Variants in CCDC171 observed in about 807,000 individuals in gnomAD.
The protein encoded by CCDC171 is coiled-coil domain-containing protein 171.
CCDC171 carries 177 observed loss-of-function variants against 168.2 expected under a neutral mutation model. The observed-to-expected ratio is 1.05, with a 90% CI of 0.93 to 1.19. The LOEUF is 1.19. CCDC171 is among the 50% of genes most tolerant of loss of function. The pLI is 0.00. For missense variants in CCDC171, 1,991 were observed against 1,539.0 expected (o/e 1.29, Z -4.91); for synonymous variants, 687 against 540.8 (o/e 1.27, Z -3.75).
intron 21 of CCDC171, among the ~76,000 whole-genome samples, chr9:15,800,553 T>A (rs188294685): frequency 6.6e-6 from 1 of 152,302 alleles, no homozygotes; most frequent in Admixed American, 6.5e-5. Flanking sequence ...TTTTTCCCAT[T>A]CAGTGGGTTG....
At chr9:16,010,943 G>T (rs992265087) in intron 3 of CCDC171, among the ~76,000 whole-genome samples, 2 of 152,080 alleles carry the variant, frequency 1.3e-5, no homozygotes, top group East Asian at 1.9e-4. Context: ...AGCCTGATTC[G>T]CTCCTGAGTA....
At chr9:15,813,982 G>C (rs75434243) in intron 21 of CCDC171, among the ~76,000 whole-genome samples, 2,722 of 152,254 alleles carry the variant, frequency 0.018, 97 homozygotes, top group African/African-American at 0.062. Context: ...AGGGACCTGT[G>C]ATTTGCAGTT....
Position 15,832,943 on chromosome 9 carries a change from A to G in CCDC171, c.3268-13759A>G, listed in dbSNP as rs1282444499. Among the ~76,000 whole-genome samples the G allele has an allele frequency of 2.0e-5, 3 of 148,894 alleles. No individual in the cohort carries two copies. In the East Asian group the frequency reaches 5.9e-4, roughly 29 times the overall value. Reference sequence around the variant, plus strand: ...TACACAGGGTCAGGATCATCAAGATATTAGTAGGTGATAGGAAATTTTCAG... The same window carrying G: ...TACACAGGGTCAGGATCATCAAGATGTTAGTAGGTGATAGGAAATTTTCAG... On this transcript the variant is annotated intron_variant, in intron 21 of 25. Coordinates refer to ENST00000380701, the MANE Select transcript of CCDC171 (RefSeq NM_173550.4).
intron 21 of CCDC171, among the ~76,000 whole-genome samples, chr9:15,789,816 T>G (rs1356213273): frequency 6.8e-6 from 1 of 146,800 alleles, no homozygotes; most frequent in Non-Finnish European, 1.5e-5. Context: ...GTGTTCTCAT[T>G]GTTCAGTTCC....
chr9:15,694,292 C>A (rs137902618), intron 10 of CCDC171, among the ~76,000 whole-genome samples: 2 of 152,064 alleles, frequency 1.3e-5, no homozygotes, highest in South Asian at 4.2e-4. Context: ...TATACCTGAC[C>A]CTGCTTCTAA....
At chr9:15,815,992 G>A (rs1053212648) in intron 21 of CCDC171, among the ~76,000 whole-genome samples, 1 of 117,414 alleles carries the variant, frequency 8.5e-6, no homozygotes, top group Admixed American at 8.0e-5. Flanking sequence ...ATAGAAGGTA[G>A]AAGATTCATA....
intron 6 of CCDC171, among the ~76,000 whole-genome samples, chr9:15,613,841 A>G (rs1474137379): frequency 6.6e-6 from 1 of 152,106 alleles, no homozygotes; most frequent in Non-Finnish European, 1.5e-5. Context: ...GCATTTTTCT[A>G]ATGACTAATG....
At chr9:16,099,315 C>A in the CCDC171 span, among the ~76,000 whole-genome samples, 1 of 152,138 alleles carries the variant, frequency 6.6e-6, no homozygotes, top group East Asian at 1.9e-4. Context: ...AGTTTCATTT[C>A]ACAACAGAGG....
intron 3 of CCDC171, among the ~76,000 whole-genome samples, chr9:16,013,943 C>G (rs1220735128): frequency 6.6e-6 from 1 of 152,158 alleles, no homozygotes; most frequent in African/African-American, 2.4e-5. Flanking sequence ...TGGCTGCTGA[C>G]TGATCATGAT....
chr9:15,646,667 A>G (rs889578081), intron 7 of CCDC171, among the ~76,000 whole-genome samples: 1 of 152,226 alleles, frequency 6.6e-6, no homozygotes, highest in African/African-American at 2.4e-5. Context: ...CTATTACATA[A>G]TGGTAAAGGG....
At chr9:15,571,575 A>C (rs758704306) in intron 2 of CCDC171, 49 bp from the exon 3 acceptor site, 3 of 1,401,568 alleles carry the variant, frequency 2.1e-6, no homozygotes. Context: ...ATGCTCTGAA[A>C]TGTGCTTTAT....
intron 21 of CCDC171, among the ~76,000 whole-genome samples, chr9:15,811,668 C>G (rs1364406069): frequency 6.6e-6 from 1 of 152,022 alleles, no homozygotes; most frequent in Non-Finnish European, 1.5e-5. Flanking sequence ...TGAGTCCTGT[C>G]TTACATATTT....
the CCDC171 span, among the ~76,000 whole-genome samples, chr9:16,091,585 AG>A: frequency 2.0e-5 from 3 of 152,176 alleles, no homozygotes; most frequent in Non-Finnish European, 4.4e-5. Context: ...GATCAGTCAG[AG>A]GGGAACGGGA....
At chr9:15,928,881 G>A (rs1826186418) in intron 25 of CCDC171, among the ~76,000 whole-genome samples, 2 of 151,598 alleles carry the variant, frequency 1.3e-5, no homozygotes, top group South Asian at 4.1e-4. Flanking sequence ...CAGGGGCCTG[G>A]AGTTATTGGT....
intron 19 of CCDC171, among the ~76,000 whole-genome samples, chr9:15,778,068 C>T (rs953465153): frequency 6.6e-6 from 1 of 150,796 alleles, no homozygotes; most frequent in Non-Finnish European, 1.5e-5. Flanking sequence ...GAGGCCGAGG[C>T]GGGTGGATCA....
At chr9:15,560,467 T>G (rs2039199226) in intron 1 of CCDC171, among the ~76,000 whole-genome samples, 1 of 152,166 alleles carries the variant, frequency 6.6e-6, no homozygotes, top group Non-Finnish European at 1.5e-5. Flanking sequence ...CTCTTTTCAT[T>G]TCATTCATTT....
intron 1 of CCDC171, among the ~76,000 whole-genome samples, chr9:16,046,531 T>C (rs556201501): frequency 6.6e-6 from 1 of 152,336 alleles, no homozygotes; most frequent in East Asian, 1.9e-4. Flanking sequence ...AGTGATATGG[T>C]TTGGATCTGT....
chr9:15,632,483 C>G lies in CCDC171; in HGVS notation c.822+9070C>G, dbSNP rs2045805584. Reference sequence around the variant, plus strand: ...TTACAAGGGATGTGAAGGACCTCTTCAAGGAGAGCTACAAACCACTGCTCA... The same window carrying G: ...TTACAAGGGATGTGAAGGACCTCTTGAAGGAGAGCTACAAACCACTGCTCA... On this transcript the variant is annotated intron_variant, in intron 7 of 25. Coordinates refer to ENST00000380701, the MANE Select transcript of CCDC171 (RefSeq NM_173550.4). Among the ~76,000 whole-genome samples, 9 of 152,026 alleles carry G rather than the reference C, an allele frequency of 5.9e-5. No individual in the cohort carries two copies. The South Asian group carries it at 1.9e-3, about 32-fold the overall frequency.
chr9:15,773,201 G>A (rs2057105483), intron 18 of CCDC171, among the ~76,000 whole-genome samples: 2 of 152,100 alleles, frequency 1.3e-5, no homozygotes, highest in African/African-American at 4.8e-5. Context: ...AGTAGCAGTT[G>A]ATTTATGTAA....
Sources: gnomAD v4.1 joint callset for allele counts (sites outside exome capture counted in the v4.1 genomes callset) on GRCh38, gnomAD v4.1.1 for gene constraint, MANE v1.5 for transcripts, NCBI Gene and HGNC (gene_info 2026-07-23, HGNC 2026-07-21) for gene names.